Variants in DPYD observed in about 807,000 individuals in gnomAD.
DPYD encodes dihydropyrimidine dehydrogenase.
Under a neutral mutation model 116.2 loss-of-function variants are expected in DPYD, and 109 were observed. The ratio of observed to expected loss-of-function variants is 0.94; its 90% CI spans 0.80 to 1.10. The LOEUF is 1.10. DPYD is among the 50% of genes least tolerant of loss of function. The pLI is 0.00. For missense variants in DPYD, 1,302 were observed against 1,254.5 expected, an observed-to-expected ratio of 1.04 and a Z score of -0.57; for synonymous variants, 440 against 432.0, an observed-to-expected ratio of 1.02 and a Z score of -0.23.
intron 8 of DPYD, among the ~76,000 whole-genome samples, chr1:97,620,086 C>G (rs1433295435): frequency 6.6e-6 from 1 of 151,498 alleles, no homozygotes; most frequent in African/African-American, 2.4e-5. Flanking sequence ...CTGGGTTACA[C>G]TCAGATTCCA....
At chr1:97,302,113 A>G (rs897517890) in intron 18 of DPYD, among the ~76,000 whole-genome samples, 1 of 151,960 alleles carries the variant, frequency 6.6e-6, no homozygotes, top group Non-Finnish European at 1.5e-5. Context: ...TACATGAATT[A>G]ACTGCTGTTT....
chr1:97,391,006 C>G (rs546031468), intron 14 of DPYD, among the ~76,000 whole-genome samples: 1 of 151,234 alleles, frequency 6.6e-6, no homozygotes, highest in African/African-American at 2.4e-5. Context: ...TTTCTTGAAC[C>G]CCTCTTCTAA....
intron 20 of DPYD, among the ~76,000 whole-genome samples, chr1:97,119,443 C>T (rs1652249442): frequency 6.6e-6 from 1 of 152,102 alleles, no homozygotes; most frequent in African/African-American, 2.4e-5. Context: ...TGTGGTGGAG[C>T]AGGTGAGCAG....
At chr1:97,458,553 C>T (rs995589562) in intron 13 of DPYD, among the ~76,000 whole-genome samples, 1 of 152,098 alleles carries the variant, frequency 6.6e-6, no homozygotes, top group African/African-American at 2.4e-5. Context: ...TCCCTGGTGG[C>T]CTATAAACTG....
intron 18 of DPYD, among the ~76,000 whole-genome samples, chr1:97,280,864 C>A (rs993130750): frequency 6.6e-6 from 1 of 152,084 alleles, no homozygotes; most frequent in East Asian, 1.9e-4. Context: ...TAGTGTATAT[C>A]TCAAGATACC....
At chr1:97,905,068 T>C (rs1673542099) in intron 1 of DPYD, among the ~76,000 whole-genome samples, 1 of 152,074 alleles carries the variant, frequency 6.6e-6, no homozygotes, top group South Asian at 2.1e-4. Flanking sequence ...GTATACTATT[T>C]TAGAATTGAT....
At chr1:97,205,266 C>T (rs1043274227) in intron 19 of DPYD, among the ~76,000 whole-genome samples, 7 of 151,956 alleles carry the variant, frequency 4.6e-5, no homozygotes, top group Admixed American at 3.3e-4. Flanking sequence ...GAGTTTTATA[C>T]AGAATAGCTT....
chr1:97,740,585 C>T (rs1426331284), intron 3 of DPYD, 106 bp from the exon 4 acceptor site: 4 of 991,244 alleles, frequency 4.0e-6, no homozygotes, highest in Non-Finnish European at 1.5e-6. Flanking sequence ...TAAATAAAAT[C>T]GTATCATTTT....
intron 5 of DPYD, chr1:97,721,043 T>C: frequency 7.2e-7 from 1 of 1,386,618 alleles, no homozygotes; most frequent in Non-Finnish European, 9.8e-7. Context: ...ATTATTAATG[T>C]GGTTAAATAA....
chr1:97,799,171 G>A (rs996184949), intron 3 of DPYD, among the ~76,000 whole-genome samples: 8 of 151,856 alleles, frequency 5.3e-5, no homozygotes, highest in Non-Finnish European at 1.2e-4. Flanking sequence ...ATATCAAGGT[G>A]AGCCTGGAAG....
chr1:97,185,429 C>T (rs1003119327), intron 20 of DPYD, among the ~76,000 whole-genome samples: 8 of 152,096 alleles, frequency 5.3e-5, no homozygotes, highest in African/African-American at 1.7e-4. Context: ...TTGGAAGTTT[C>T]TTGTAAAACT....
Position 97,110,245 on chromosome 1 carries a change from C to G in DPYD, c.2623-11613G>C, listed in dbSNP as rs562064484. Among the ~76,000 whole-genome samples, 3 of 152,138 alleles carry G rather than the reference C, an allele frequency of 2.0e-5. No individual in the cohort carries two copies. The South Asian group carries it at 6.2e-4, about 32-fold the overall frequency. On this transcript the variant is annotated intron_variant, in intron 20 of 22. Transcript: ENST00000370192. ...TGTCTAGTACATGCTATGCGCTGAC[C>G]ATTGAAGACATAATGGAGAATAAAA...
intron 18 of DPYD, among the ~76,000 whole-genome samples, chr1:97,245,993 G>T (rs770544086): frequency 3.3e-5 from 5 of 152,096 alleles, no homozygotes; most frequent in Non-Finnish European, 5.9e-5. Context: ...AGGCTGTACA[G>T]CAGTTGATGG....
chr1:97,729,112 T>C (rs1663439772), intron 4 of DPYD, among the ~76,000 whole-genome samples: 1 of 152,112 alleles, frequency 6.6e-6, no homozygotes, highest in Non-Finnish European at 1.5e-5. Flanking sequence ...AGCCTATACA[T>C]GTAAGGAAAT....
chr1:97,198,194 T>G (rs928620927), intron 19 of DPYD, among the ~76,000 whole-genome samples: 1 of 151,756 alleles, frequency 6.6e-6, no homozygotes, highest in African/African-American at 2.4e-5. Context: ...TTTCGGGGGA[T>G]GCTGCTGCTG....
intron 1 of DPYD, among the ~76,000 whole-genome samples, chr1:97,885,881 T>C (rs1672461342): frequency 6.6e-6 from 1 of 152,018 alleles, no homozygotes; most frequent in African/African-American, 2.4e-5. Context: ...ATAATATCAA[T>C]TTGCACCTGA....
intron 18 of DPYD, among the ~76,000 whole-genome samples, chr1:97,304,536 C>T (rs1667047379): frequency 6.6e-6 from 1 of 151,928 alleles, no homozygotes; most frequent in Non-Finnish European, 1.5e-5. Context: ...TTCAGCAATG[C>T]TTTTCTTGAA....
chr1:97,625,987 A>G (rs1656905580), intron 8 of DPYD, among the ~76,000 whole-genome samples: 1 of 152,094 alleles, frequency 6.6e-6, no homozygotes, highest in African/African-American at 2.4e-5. Flanking sequence ...ATACAAATAA[A>G]TAATTGTTCT....
At chr1:97,258,464 G>A (rs1663659111) in intron 18 of DPYD, among the ~76,000 whole-genome samples, 1 of 152,102 alleles carries the variant, frequency 6.6e-6, no homozygotes, top group Admixed American at 6.6e-5. Context: ...ACACTTTCTA[G>A]GAGTTCATAA....
Sources: allele counts gnomAD v4.1 joint callset (sites outside exome capture counted in the v4.1 genomes callset), GRCh38; gene constraint gnomAD v4.1.1; transcripts MANE v1.5; gene names NCBI Gene and HGNC (gene_info 2026-07-23, HGNC 2026-07-21).